The following ELOVL6 variants were observed in gnomAD, a reference collection of about 807,000 sequenced individuals.
ELOVL6 encodes the protein ELOVL fatty acid elongase 6.
A neutral mutation model predicts 31.7 loss-of-function variants in ELOVL6; 8 were observed. That is an observed-to-expected ratio of 0.25 (90% CI 0.15 to 0.45). ELOVL6 has a LOEUF of 0.45. Ranked by LOEUF, ELOVL6 falls within the 20% of genes least tolerant of loss-of-function variation. The pLI is 1.00. For missense variants in ELOVL6, 126 were observed against 326.4 expected (o/e 0.39, Z 4.73); for synonymous variants, 101 against 117.7 (o/e 0.86, Z 0.92).
intron 1 of ELOVL6, among the ~76,000 whole-genome samples, chr4:110,180,281 T>C (rs1473735559): frequency 1.3e-5 from 2 of 152,224 alleles, no homozygotes; most frequent in African/African-American, 4.8e-5. Context: ...GCTAATCTCG[T>C]CTCACTCTAA....
At chr4:110,109,190 G>A (rs1756963332) in intron 1 of ELOVL6, among the ~76,000 whole-genome samples, 1 of 152,142 alleles carries the variant, frequency 6.6e-6, no homozygotes, top group Non-Finnish European at 1.5e-5. Flanking sequence ...CCATACTTGG[G>A]TATAATGGTA....
At chr4:110,081,630 C>T (rs1417732017) in intron 2 of ELOVL6, among the ~76,000 whole-genome samples, 2 of 150,486 alleles carry the variant, frequency 1.3e-5, no homozygotes, top group Non-Finnish European at 3.0e-5. Flanking sequence ...GACCTAAAAC[C>T]ATAAAAACCA....
chr4:110,188,577 G>C (rs1321689299), intron 1 of ELOVL6, among the ~76,000 whole-genome samples: 1 of 151,900 alleles, frequency 6.6e-6, no homozygotes. Context: ...TGGCTGCAAG[G>C]GTTTAACAGT....
chr4:110,187,343 T>A (rs1211775521), intron 1 of ELOVL6, among the ~76,000 whole-genome samples: 16 of 151,490 alleles, frequency 1.1e-4, no homozygotes, highest in Non-Finnish European at 2.1e-4. Flanking sequence ...AGTTTCCACC[T>A]CTTCACAAGA....
chr4:110,109,122 T>G (rs1415413940), intron 1 of ELOVL6, among the ~76,000 whole-genome samples: 1 of 152,230 alleles, frequency 6.6e-6, no homozygotes. Flanking sequence ...TAGTTTTTAA[T>G]GTGGATAGAT....
At chr4:110,108,240 C>T (rs934300819) in intron 1 of ELOVL6, among the ~76,000 whole-genome samples, 7 of 152,118 alleles carry the variant, frequency 4.6e-5, no homozygotes, top group African/African-American at 1.7e-4. Flanking sequence ...CATTATTTAT[C>T]TTACCCATTC....
At chr4:110,090,615 T>TTTTTTTG (rs1756397411) in intron 2 of ELOVL6, among the ~76,000 whole-genome samples, 1 of 145,416 alleles carries the variant, frequency 6.9e-6, no homozygotes, top group African/African-American at 2.6e-5. Flanking sequence ...TTTTTTTTTT[T>TTTTTTTG]TTTTTCATGA....
At position 110,084,076 on chromosome 4, in the gene ELOVL6, CTATATATGATATATAACATATATATGA is replaced by C. The variant is rs1560813861; in HGVS notation, c.221+21394_221+21420del. Among the ~76,000 whole-genome samples the C allele has an allele frequency of 5.0e-3, 83 of 16,694 alleles. 9 individuals are homozygous for C. The highest frequency in any genetic ancestry group is 7.1e-3 in the Non-Finnish European group (70 of 9,854). 11.0% of individuals were successfully genotyped at this position (16,694 alleles called of 152,430 possible). On this transcript the variant is annotated intron_variant, in intron 2 of 3. Transcript: ENST00000302274. Reference sequence around the variant, plus strand: ...ATATATGATATATAACATATATATGCTATATATGATATATAACATATATATGATATATATGATATATATAACATATAT... The same window carrying C: ...ATATATGATATATAACATATATATGCTATATATGATATATATAACATATAT...
chr4:110,176,037 TAAA>T (rs35412689), intron 1 of ELOVL6, among the ~76,000 whole-genome samples: 34 of 143,708 alleles, frequency 2.4e-4, no homozygotes, highest in Admixed American at 3.5e-4. Context: ...AGTGGTGAGT[TAAA>T]AAAAAAAAAA....
chr4:110,127,863 G>A (rs1482180971), intron 1 of ELOVL6, among the ~76,000 whole-genome samples: 1 of 152,036 alleles, frequency 6.6e-6, no homozygotes, highest in Non-Finnish European at 1.5e-5. Context: ...CTTGCACCCA[G>A]ACATGTTTTG....
At chr4:110,112,273 TGTGAACTGCGGCTCTTCACAG>T (rs933558192) in intron 1 of ELOVL6, among the ~76,000 whole-genome samples, 2 of 152,228 alleles carry the variant, frequency 1.3e-5, no homozygotes, top group Admixed American at 6.5e-5. Flanking sequence ...GAAGTGTGTG[TGTGAACTGCGGCTCTTCACAG>T]GAATCATCAG....
chr4:110,084,582 ATATATATTTTTTT>A lies in ELOVL6; in HGVS notation c.221+20902_221+20914del, dbSNP rs1235942049. ...CACACAGATATATATATATATATAT[ATATATATTTTTTT>A]TTTTTTTTTTTTTTTTTGAGATGGA... On this transcript the variant is annotated intron_variant, in intron 2 of 3. Coordinates refer to ENST00000302274, the MANE Select transcript of ELOVL6 (RefSeq NM_024090.3). Among the ~76,000 whole-genome samples, 40 of 54,484 alleles carry A rather than the reference ATATATATTTTTTT, an allele frequency of 7.3e-4. 1 individual carries two copies. In the South Asian group the frequency reaches 0.014, roughly 18 times the overall value. The allele number at this position is 54,484 out of a possible 152,430, so 35.7% of individuals were successfully genotyped here.
chr4:110,165,403 C>T (rs115721569), intron 1 of ELOVL6, among the ~76,000 whole-genome samples: 77 of 152,292 alleles, frequency 5.1e-4, no homozygotes, highest in African/African-American at 1.8e-3. Context: ...TTCCAATCGA[C>T]CCTCACAACC....
chr4:110,155,462 T>C (rs1359300048), intron 1 of ELOVL6, among the ~76,000 whole-genome samples: 1 of 152,178 alleles, frequency 6.6e-6, no homozygotes, highest in Non-Finnish European at 1.5e-5. Flanking sequence ...CTATCAAAGA[T>C]ACTTAAATAG....
intron 3 of ELOVL6, among the ~76,000 whole-genome samples, chr4:110,053,807 T>C (rs748445733): frequency 6.6e-6 from 1 of 152,040 alleles, no homozygotes; most frequent in African/African-American, 2.4e-5. Flanking sequence ...GGTGTGGTGG[T>C]GGGTGCCTGT....
intron 3 of ELOVL6, among the ~76,000 whole-genome samples, chr4:110,057,460 A>G (rs1176590961): frequency 6.6e-6 from 1 of 152,148 alleles, no homozygotes; most frequent in Non-Finnish European, 1.5e-5. Flanking sequence ...GTCAAAAAAG[A>G]TAGGGGATTA....
intron 1 of ELOVL6, chr4:110,146,915 GGGAGGT>G (rs1758129805): frequency 6.6e-6 from 1 of 152,406 alleles, no homozygotes; most frequent in African/African-American, 2.4e-5. Context: ...GCTTGAACCT[GGGAGGT>G]GGAGGTTGCA....
chr4:110,175,893 T>C (rs1229949504), intron 1 of ELOVL6, among the ~76,000 whole-genome samples: 1 of 152,204 alleles, frequency 6.6e-6, no homozygotes, highest in Admixed American at 6.5e-5. Flanking sequence ...GCTTTCTCAA[T>C]GTGGGGTCAT....
intron 3 of ELOVL6, among the ~76,000 whole-genome samples, chr4:110,057,347 G>A (rs1340057111): frequency 6.6e-6 from 1 of 151,840 alleles, no homozygotes; most frequent in Non-Finnish European, 1.5e-5. Flanking sequence ...AATTGAGGGG[G>A]AAGTAGTAAA....
Sources: allele counts gnomAD v4.1 joint callset (sites outside exome capture counted in the v4.1 genomes callset), GRCh38; gene constraint gnomAD v4.1.1; transcripts MANE v1.5; gene names NCBI Gene and HGNC (gene_info 2026-07-23, HGNC 2026-07-21).